The following EPC2 variants were observed in gnomAD, a reference collection of about 807,000 sequenced individuals.
The protein encoded by EPC2 is enhancer of polycomb homolog 2.
EPC2 carries 14 observed loss-of-function variants against 92.1 expected under a neutral mutation model. The observed-to-expected ratio is 0.15, with a 90% CI of 0.10 to 0.24. EPC2 has a LOEUF of 0.24. Among genes scored for constraint, EPC2 ranks in the 10% least tolerant of loss-of-function variants. EPC2 has a pLI of 1.00. For missense variants in EPC2, 755 were observed against 971.5 expected, an observed-to-expected ratio of 0.78 and a Z score of 2.96; for synonymous variants, 340 against 334.7, an observed-to-expected ratio of 1.02 and a Z score of -0.17.
intron 7 of EPC2, among the ~76,000 whole-genome samples, chr2:148,767,563 T>C (rs1034837522): frequency 6.6e-6 from 1 of 152,186 alleles, no homozygotes; most frequent in African/African-American, 2.4e-5. Context: ...GTACATCTTA[T>C]AAAATCAGGA....
intron 1 of EPC2, among the ~76,000 whole-genome samples, chr2:148,665,792 G>A (rs1392512386): frequency 6.6e-6 from 1 of 152,026 alleles, no homozygotes; most frequent in African/African-American, 2.4e-5. Context: ...GAATGATTCA[G>A]TTCTTATTAA....
In EPC2 at chr2:148,781,617, A is replaced by T. The variant is rs1353741249; in HGVS notation, c.1721-27A>T. ...ATTAAAAATCTTTTAAAACGTACTC[A>T]TTTCCAAAATTCATGTTCTTTACCA... On this transcript the variant is annotated intron_variant, in intron 10 of 13. Transcript: ENST00000258484. The T allele has an allele frequency of 2.5e-6, 4 of 1,596,188 alleles. No individual in the cohort carries two copies. In the African/African-American group the frequency reaches 4.0e-5, roughly 16 times the overall value.
At chr2:148,769,537 G>A (rs866597383) in intron 8 of EPC2, among the ~76,000 whole-genome samples, 2 of 152,230 alleles carry the variant, frequency 1.3e-5, no homozygotes, top group East Asian at 1.9e-4. Flanking sequence ...ACTAGAATTA[G>A]GTAAACCCAG....
chr2:148,656,278 C>T (rs145880508), intron 1 of EPC2, among the ~76,000 whole-genome samples: 8 of 152,160 alleles, frequency 5.3e-5, no homozygotes, highest in Non-Finnish European at 1.2e-4. Flanking sequence ...AACCTTAACC[C>T]GTCATTCCTA....
At chr2:148,706,874 G>C (rs1454680243) in intron 2 of EPC2, among the ~76,000 whole-genome samples, 2 of 152,130 alleles carry the variant, frequency 1.3e-5, no homozygotes, top group South Asian at 2.1e-4. Context: ...GGAACAACCG[G>C]TATCAGCCAC....
At chr2:148,726,636 AT>A (rs932459841) in intron 2 of EPC2, among the ~76,000 whole-genome samples, 29 of 147,546 alleles carry the variant, frequency 2.0e-4, no homozygotes, top group Admixed American at 5.4e-4. Flanking sequence ...TACTTAAAGA[AT>A]TTTTTTTTCA....
rs755475802 is a variant in EPC2, at chr2:148,644,990, C to A, written c.-28C>A. The A allele has an allele frequency of 1.3e-5, 20 of 1,539,022 alleles. 1 individual carries two copies. Among genetic ancestry groups the A allele is most frequent in the Middle Eastern group, 2.0e-4 (1 of 5,102 alleles). ...CCCCGCCCGCCCCGCCGCCGCCGCC[C>A]GGGCTGTTCCTGTAAGGCGGGGAGA... On this transcript the variant is annotated 5_prime_UTR_variant, in exon 1 of 14. Coordinates refer to ENST00000258484, the MANE Select transcript of EPC2 (RefSeq NM_015630.4).
At chr2:148,763,733 C>T (rs373902277) in intron 6 of EPC2, among the ~76,000 whole-genome samples, 27 of 152,136 alleles carry the variant, frequency 1.8e-4, no homozygotes, top group African/African-American at 5.6e-4. Flanking sequence ...CTCTAAATCT[C>T]GCTTGTCTCT....
chr2:148,783,755 A>T lies in EPC2; in HGVS notation c.2016A>T (p.Ser672=). The T allele has an allele frequency of 6.3e-7, 1 of 1,588,428 alleles. No individual in the cohort carries two copies. The highest frequency in any genetic ancestry group is 1.1e-5 in the South Asian group (1 of 87,094). The change falls in exon 12 of 14, where the codon TCA becomes TCT. Residue 672 remains serine (S), a splice_region_variant and synonymous_variant. Transcript: ENST00000258484. ...HNNINGVVQP[S]GTSKTLYSTN... ...ACATAAACGGTGTTGTCCAGCCTTC[A>T]GGTACAGCTGGGGTTTCACATGGTA...
At chr2:148,768,720 G>C (rs1683462725) in intron 7 of EPC2, among the ~76,000 whole-genome samples, 1 of 151,992 alleles carries the variant, frequency 6.6e-6, no homozygotes, top group African/African-American at 2.4e-5. Flanking sequence ...CTGTTTATAA[G>C]CTGTTTTTAT....
intron 10 of EPC2, 150 bp downstream of exon 10, chr2:148,771,537 C>T (rs1427328689): frequency 7.2e-6 from 5 of 698,526 alleles, no homozygotes; most frequent in African/African-American, 1.8e-5. Flanking sequence ...CCAAATTGTC[C>T]TAACTAGTAC....
chr2:148,762,825 CA>C, intron 6 of EPC2, 23 bp downstream of exon 6: 1 of 1,586,226 alleles, frequency 6.3e-7, no homozygotes, highest in Non-Finnish European at 8.6e-7. Context: ...TGGGAAGAAG[CA>C]TGTATGGATG....
chr2:148,705,605 G>T (rs1360242504), intron 2 of EPC2, among the ~76,000 whole-genome samples: 1 of 151,916 alleles, frequency 6.6e-6, no homozygotes, highest in African/African-American at 2.4e-5. Context: ...ATACAACTGG[G>T]TGCCCCTGAG....
rs766984387 is a variant in EPC2, at chr2:148,754,038, A to G, written c.571A>G (p.Ile191Val). Residue 191 changes from isoleucine to valine, a missense_variant, in exon 4 of 14, where the codon ATT becomes GTT. Transcript: ENST00000258484. ...TAAAAACTGCAGGGGGCCATCCCTC[A>G]TTCCTCAGATAAAACAAGAGAAAAG... ...KRKNCRGPSL[I>V]PQIKQEKRDG... The G allele has an allele frequency of 6.8e-6, 11 of 1,611,404 alleles. No individual in the cohort carries two copies. The Admixed American group carries it at 1.0e-4, about 15-fold the overall frequency.
At chr2:148,780,808 A>G (rs1395917812) in intron 10 of EPC2, among the ~76,000 whole-genome samples, 2 of 152,320 alleles carry the variant, frequency 1.3e-5, no homozygotes, top group African/African-American at 4.8e-5. Flanking sequence ...CTCTAATATT[A>G]TAATGACTTC....
intron 2 of EPC2, among the ~76,000 whole-genome samples, chr2:148,704,909 T>TTTTTC (rs937506390): frequency 1.0e-4 from 14 of 136,034 alleles, no homozygotes; most frequent in Non-Finnish European, 1.5e-4. Context: ...TTTCTTTTTC[T>TTTTTC]TTTTTTTTTT....
intron 2 of EPC2, among the ~76,000 whole-genome samples, chr2:148,714,724 T>A (rs1227194532): frequency 6.6e-6 from 1 of 152,252 alleles, no homozygotes; most frequent in Non-Finnish European, 1.5e-5. Context: ...GAGAAGTGTC[T>A]GTTCATGTCC....
chr2:148,705,986 G>A (rs1558815208), intron 2 of EPC2, among the ~76,000 whole-genome samples: 1 of 152,160 alleles, frequency 6.6e-6, no homozygotes, highest in Non-Finnish European at 1.5e-5. Context: ...GAACAAAGCT[G>A]GACGGAGAAT....
chr2:148,695,103 G>A (rs907946733), intron 2 of EPC2, among the ~76,000 whole-genome samples: 1 of 152,190 alleles, frequency 6.6e-6, no homozygotes, highest in Non-Finnish European at 1.5e-5. Flanking sequence ...GTATTCTGAA[G>A]TTAATTTGTA....
Sources: allele counts gnomAD v4.1 joint callset (sites outside exome capture counted in the v4.1 genomes callset), GRCh38; gene constraint gnomAD v4.1.1; transcripts MANE v1.5; gene names NCBI Gene and HGNC (gene_info 2026-07-23, HGNC 2026-07-21).